PCDH15: variants seen among roughly 807,000 people sequenced by gnomAD.
PCDH15 encodes the protein protocadherin-15.
Under a neutral mutation model 178.5 loss-of-function variants are expected in PCDH15, and 129 were observed. The observed-to-expected ratio is 0.72, with a 90% CI of 0.63 to 0.84. PCDH15 has a LOEUF of 0.84. Ranked by LOEUF, PCDH15 falls within the 40% of genes least tolerant of loss-of-function variation. The pLI, the probability that PCDH15 is intolerant of heterozygous loss-of-function variation, is 0.00. For missense variants in PCDH15, 2,230 were observed against 2,099.9 expected (o/e 1.06, Z -1.21); for synonymous variants, 800 against 732.0 (o/e 1.09, Z -1.50).
chr10:54,390,054 A>G (rs1297788904), intron 3 of PCDH15, among the ~76,000 whole-genome samples: 2 of 152,210 alleles, frequency 1.3e-5, no homozygotes, highest in African/African-American at 2.4e-5. Flanking sequence ...TTCATTAACT[A>G]TAAGCTATTA....
At chr10:55,294,895 A>G (rs1403937059) in intron 1 of PCDH15, among the ~76,000 whole-genome samples, 1 of 152,130 alleles carries the variant, frequency 6.6e-6, no homozygotes. Flanking sequence ...AATTCATTAT[A>G]TTTTTCCGTA....
intron 2 of PCDH15, among the ~76,000 whole-genome samples, chr10:54,990,760 T>C (rs1165738399): frequency 6.6e-6 from 1 of 152,154 alleles, no homozygotes; most frequent in Admixed American, 6.5e-5. Context: ...CTCTTTATCC[T>C]TTCAGTTTTA....
At chr10:54,219,119 CA>C (rs2052458433) in intron 9 of PCDH15, among the ~76,000 whole-genome samples, 1 of 118,226 alleles carries the variant, frequency 8.5e-6, no homozygotes, top group African/African-American at 3.8e-5. Context: ...AAAAAAAAAA[CA>C]AAAAATTAGC....
At chr10:54,962,653 A>G (rs888106474) in intron 2 of PCDH15, among the ~76,000 whole-genome samples, 2 of 152,128 alleles carry the variant, frequency 1.3e-5, no homozygotes, top group African/African-American at 4.8e-5. Flanking sequence ...CAGAACTGGC[A>G]CCTGTGCCGG....
chr10:55,099,114 AT>A (rs897325335), intron 2 of PCDH15, among the ~76,000 whole-genome samples: 2 of 151,748 alleles, frequency 1.3e-5, no homozygotes, highest in Non-Finnish European at 2.9e-5. Flanking sequence ...ACTCTATTTC[AT>A]TTTTTTGAAG....
intron 1 of PCDH15, among the ~76,000 whole-genome samples, chr10:55,263,273 A>C (rs1254613434): frequency 2.0e-5 from 3 of 152,186 alleles, no homozygotes; most frequent in African/African-American, 7.2e-5. Context: ...TTATGGTTTG[A>C]AATGGCTTTT....
At chr10:54,001,292 T>C (rs1162608686) in intron 20 of PCDH15, among the ~76,000 whole-genome samples, 1 of 152,178 alleles carries the variant, frequency 6.6e-6, no homozygotes, top group Non-Finnish European at 1.5e-5. Flanking sequence ...CAGAGTATTA[T>C]AACACTGTAA....
intron 1 of PCDH15, among the ~76,000 whole-genome samples, chr10:54,774,090 G>A (rs1384784647): frequency 5.1e-5 from 7 of 136,758 alleles, no homozygotes; most frequent in African/African-American, 1.6e-4. Context: ...GTGCAGTGGC[G>A]CGGTCTCGGC....
Position 54,066,980 on chromosome 10 carries a change from A to G in PCDH15, c.2092-95T>C, listed in dbSNP as rs562943795. 145 of 1,269,988 alleles carry G rather than the reference A, an allele frequency of 1.1e-4. 1 individual carries two copies. Among genetic ancestry groups the G allele is most frequent in the Middle Eastern group, 4.0e-4 (2 of 5,028 alleles). 78.7% of individuals were successfully genotyped at this position (1,269,988 alleles called of 1,614,324 possible). A position where few individuals can be genotyped will look rare whatever the true frequency, so the allele number is the denominator to read the frequency against. The stretch of plus-strand genomic sequence containing the variant: ...TCTGGCATTTGTCTATCTGAAAAGC[A>G]TCTCATTTTTCTTTCTAATCCTTAG... On this transcript the variant is annotated intron_variant, in intron 17 of 37. Coordinates refer to ENST00000644397, the MANE Select transcript of PCDH15 (RefSeq NM_001384140.1).
chr10:55,196,455 C>A (rs949436293), intron 1 of PCDH15, among the ~76,000 whole-genome samples: 5 of 152,030 alleles, frequency 3.3e-5, no homozygotes, highest in Non-Finnish European at 7.4e-5. Flanking sequence ...ATTATTTCTT[C>A]TTTCTTTATG....
intron 2 of PCDH15, among the ~76,000 whole-genome samples, chr10:55,626,365 A>C (rs539641810): frequency 6.6e-6 from 1 of 152,262 alleles, no homozygotes; most frequent in Non-Finnish European, 1.5e-5. Flanking sequence ...CGCATGTGTG[A>C]AAAAGTGGAT....
intron 26 of PCDH15, among the ~76,000 whole-genome samples, chr10:53,882,364 GC>G: frequency 6.6e-6 from 1 of 152,200 alleles, no homozygotes; most frequent in African/African-American, 2.4e-5. Flanking sequence ...ACTCGTGATG[GC>G]CCCCTAGTCC....
intron 2 of PCDH15, chr10:54,600,784 C>T (rs1222969705): frequency 2.3e-6 from 1 of 436,784 alleles, no homozygotes; most frequent in Non-Finnish European, 4.3e-6. Context: ...GGGCTCCAGA[C>T]ATTGTATTTT....
chr10:54,047,806 A>G (rs562011237), intron 18 of PCDH15, among the ~76,000 whole-genome samples: 1 of 152,224 alleles, frequency 6.6e-6, no homozygotes, highest in Admixed American at 6.5e-5. Flanking sequence ...TTTCTTTATC[A>G]AATCCACCAT....
chr10:55,097,751 G>A (rs1392218032), intron 2 of PCDH15, among the ~76,000 whole-genome samples: 1 of 152,060 alleles, frequency 6.6e-6, no homozygotes, highest in African/African-American at 2.4e-5. Context: ...ACAGAATCCT[G>A]AAGAGTCACA....
chr10:55,013,704 C>G (rs938656230), intron 2 of PCDH15, among the ~76,000 whole-genome samples: 3 of 152,106 alleles, frequency 2.0e-5, no homozygotes, highest in African/African-American at 4.8e-5. Flanking sequence ...CAATTAACAT[C>G]TGTCTTCCTC....
At chr10:54,968,116 T>C (rs1392160970) in intron 2 of PCDH15, among the ~76,000 whole-genome samples, 1 of 152,150 alleles carries the variant, frequency 6.6e-6, no homozygotes, top group African/African-American at 2.4e-5. Context: ...TATACATACA[T>C]ATAGGAATGG....
chr10:55,501,459 A>G (rs546732586), intron 2 of PCDH15, among the ~76,000 whole-genome samples: 1 of 151,876 alleles, frequency 6.6e-6, no homozygotes, highest in Admixed American at 6.6e-5. Flanking sequence ...TGTATTTGCT[A>G]ATTTCCTCTA....
rs535001766 is a variant in PCDH15, at chr10:54,412,782, C to T, written c.158-33840G>A. ...CTGTAGCCAGGGTGGAGGGCAGTGG[C>T]GTGACCCCGGCTCACTGCAATCTCC... On this transcript the variant is annotated intron_variant, in intron 3 of 37. Coordinates refer to ENST00000644397, the MANE Select transcript of PCDH15 (RefSeq NM_001384140.1). Among the ~76,000 whole-genome samples, 8 of 152,258 alleles carry T rather than the reference C, an allele frequency of 5.3e-5. No individual in the cohort carries two copies. In the East Asian group the frequency reaches 7.8e-4, roughly 15 times the overall value.
Sources: allele counts gnomAD v4.1 joint callset (sites outside exome capture counted in the v4.1 genomes callset), GRCh38; gene constraint gnomAD v4.1.1; transcripts MANE v1.5; gene names NCBI Gene and HGNC (gene_info 2026-07-23, HGNC 2026-07-21).